AKAP13: variants seen among roughly 807,000 people sequenced by gnomAD.
AKAP13 encodes the protein A-kinase anchoring protein 13, also known as A-kinase anchor protein 13.
AKAP13 carries 80 observed loss-of-function variants against 264.5 expected under a neutral mutation model. The ratio of observed to expected loss-of-function variants is 0.30; its 90% CI spans 0.25 to 0.36. The LOEUF is 0.36. AKAP13 is among the 10% of genes least tolerant of loss of function. AKAP13 has a pLI of 1.00. For missense variants in AKAP13, 3,712 were observed against 3,435.2 expected (o/e 1.08, Z -2.01); for synonymous variants, 1,380 against 1,250.2 (o/e 1.10, Z -2.19).
chr15:85,554,581 T>C (rs1392485919), intron 5 of AKAP13, among the ~76,000 whole-genome samples: 2 of 151,958 alleles, frequency 1.3e-5, no homozygotes, highest in Non-Finnish European at 2.9e-5. Flanking sequence ...CTTCCCTTAC[T>C]TTTTTTTCTT....
At chr15:85,610,474 A>T (rs1051007661) in intron 8 of AKAP13, among the ~76,000 whole-genome samples, 1 of 152,200 alleles carries the variant, frequency 6.6e-6, no homozygotes, top group South Asian at 2.1e-4. Context: ...ATACAAAAGG[A>T]TAGTCGTGAT....
In AKAP13 at chr15:85,579,620, G is replaced by C; in HGVS notation, c.1552G>C (p.Ala518Pro). The C allele has an allele frequency of 6.2e-7, 1 of 1,614,234 alleles. No homozygotes were observed. Among genetic ancestry groups the C allele is most frequent in the East Asian group, 2.2e-5 (1 of 44,890 alleles). The change falls in exon 7 of 37, where the codon GCC (alanine) becomes CCC (proline). Residue 518 changes from alanine (A) to proline (P), a missense_variant. Transcript: ENST00000394518. ...GAACTCTAATATTGGCACAGCTGGAGCCTCTGACGTGCACGTCACAAGTAA... is the reference window on the plus strand; with the variant it reads ...GAACTCTAATATTGGCACAGCTGGACCCTCTGACGTGCACGTCACAAGTAA... ...FENSNIGTAG[A>P]SDVHVTSKPV...
rs371016419 is a variant in AKAP13 at position 85,669,762 on chromosome 15, C to G, written c.5033C>G (p.Thr1678Arg). 3 of 1,613,634 alleles carry G rather than the reference C, an allele frequency of 1.9e-6. No homozygotes were observed. Among genetic ancestry groups the G allele is most frequent in the Non-Finnish European group, 2.5e-6 (3 of 1,179,622 alleles). ...AAGCAGCAGGGATTTAATTACTGTA[C>G]ATCAGCCATTTCCTCTCCATTGACA... ...RSKQQGFNYC[T>R]SAISSPLTKS... The change falls in exon 14 of 37, where the codon ACA becomes AGA. Residue 1678 changes from threonine (T) to arginine (R), a missense_variant. Physicochemically the swap from Thr to Arg is moderately conservative, Grantham distance 71. Coordinates refer to ENST00000394518, the MANE Select transcript of AKAP13 (RefSeq NM_007200.5).
rs571944581 is a variant in AKAP13 at position 85,647,668 on chromosome 15, G to A, written c.4374+1714G>A. Among the ~76,000 whole-genome samples, 8 of 152,082 alleles carry A rather than the reference G, an allele frequency of 5.3e-5. No homozygotes were observed. In the East Asian group the frequency reaches 1.2e-3, roughly 22 times the overall value. On this transcript the variant is annotated intron_variant, in intron 10 of 36. Coordinates refer to ENST00000394518, the MANE Select transcript of AKAP13 (RefSeq NM_007200.5). ...AAGTAAAAACTCCACATTTAGGACC[G>A]GGCGCAATGGCTCACGCCTGTAATC... is the stretch of plus-strand genomic sequence containing the variant.
chr15:85,732,565 C>T (rs11630549), intron 30 of AKAP13, among the ~76,000 whole-genome samples: 28,954 of 150,172 alleles, frequency 0.19, 3,727 homozygotes, highest in Middle Eastern at 0.43. Context: ...CATTGATATT[C>T]TTAAACTGTG....
At chr15:85,555,276 G>T (rs7180143) in intron 5 of AKAP13, 134,276 of 204,286 alleles carry the variant, frequency 0.66, 44,172 homozygotes, top group Middle Eastern at 0.73. Context: ...CATTAAGGTT[G>T]GACACTATTA....
chr15:85,489,600 C>T (rs932905876), intron 2 of AKAP13, among the ~76,000 whole-genome samples: 2 of 152,150 alleles, frequency 1.3e-5, no homozygotes, highest in African/African-American at 4.8e-5. Flanking sequence ...TCATTTAGAT[C>T]ATATTTGGGA....
Position 85,640,020 on chromosome 15 carries a change from C to T in AKAP13, c.4237+571C>T, listed in dbSNP as rs140212475. 5.4e-4 allele frequency among the ~76,000 whole-genome samples: 82 copies of T among 152,292 alleles called. No individual in the cohort carries two copies. The East Asian group carries it at 0.013, about 24-fold the overall frequency. ...TTATTCCTAACAACACTTGAGGGTA[C>T]GATGCTCTTAAGACCTTGCTTGTTA... On this transcript the variant is annotated intron_variant, in intron 9 of 36. Transcript: ENST00000394518.
intron 1 of AKAP13, among the ~76,000 whole-genome samples, chr15:85,435,194 T>C (rs979775700): frequency 6.7e-6 from 1 of 148,732 alleles, no homozygotes; most frequent in African/African-American, 2.5e-5. Flanking sequence ...CAGGAGCCGA[T>C]GCGATCAACT....
At chr15:85,665,441 A>G (rs2083539548) in intron 13 of AKAP13, among the ~76,000 whole-genome samples, 1 of 152,208 alleles carries the variant, frequency 6.6e-6, no homozygotes, top group African/African-American at 2.4e-5. Flanking sequence ...GTAGGAAAAA[A>G]ATTAAAAACA....
chr15:85,737,159 A>T (rs778978195), intron 33 of AKAP13, among the ~76,000 whole-genome samples: 2 of 152,078 alleles, frequency 1.3e-5, no homozygotes, highest in Admixed American at 6.6e-5. Flanking sequence ...ACCTCAGGCA[A>T]TCTGCCCACC....
rs144246285 is a variant in AKAP13, at chr15:85,631,483, T to TTCTC, written c.4162-7874_4162-7871dup. On this transcript the variant is annotated intron_variant, in intron 8 of 36. Transcript: ENST00000394518. ...AAATGCAAAATAACACACACACACT[T>TTCTC]TCTCTCTCTCTCTCTCTCTCACACA... 6.9e-3 allele frequency among the ~76,000 whole-genome samples: 826 copies of TTCTC among 120,118 alleles called. 11 individuals are homozygous for TTCTC. The highest frequency in any genetic ancestry group is 0.023 in the Middle Eastern group (6 of 256). The allele number at this position is 120,118 out of a possible 152,430, so 78.8% of individuals were successfully genotyped here.
chr15:85,740,970 G>C, intron 34 of AKAP13, 76 bp from the exon 35 acceptor site: 4 of 1,522,102 alleles, frequency 2.6e-6, no homozygotes, highest in Non-Finnish European at 3.5e-6. Flanking sequence ...GCCCCCTGCT[G>C]TGGGGTCGGG....
At chr15:85,693,224 A>T in intron 16 of AKAP13, 53 bp from the exon 17 acceptor site, 1 of 1,495,742 alleles carries the variant, frequency 6.7e-7, no homozygotes, top group Non-Finnish European at 8.8e-7. Flanking sequence ...CCAGGTAAGG[A>T]GAAAGCCCTC....
intron 2 of AKAP13, among the ~76,000 whole-genome samples, chr15:85,508,024 C>T (rs1452194495): frequency 6.6e-6 from 1 of 152,168 alleles, no homozygotes; most frequent in Non-Finnish European, 1.5e-5. Context: ...TTGCTTTGTC[C>T]ATTTGATGCC....
At chr15:85,630,409 A>G (rs1258254272) in intron 8 of AKAP13, among the ~76,000 whole-genome samples, 1 of 152,026 alleles carries the variant, frequency 6.6e-6, no homozygotes, top group South Asian at 2.1e-4. Flanking sequence ...TCCCATCTCT[A>G]TTAATTACAG....
intron 8 of AKAP13, among the ~76,000 whole-genome samples, chr15:85,615,991 A>C (rs1377248536): frequency 6.6e-6 from 1 of 152,224 alleles, no homozygotes; most frequent in Non-Finnish European, 1.5e-5. Context: ...ATTTTCACTT[A>C]GTACCTTGTG....
chr15:85,573,299 T>C (rs1043851479), intron 5 of AKAP13, among the ~76,000 whole-genome samples: 1 of 152,082 alleles, frequency 6.6e-6, no homozygotes, highest in African/African-American at 2.4e-5. Flanking sequence ...GTGATATAGG[T>C]TGGGAGGCCA....
intron 30 of AKAP13, among the ~76,000 whole-genome samples, chr15:85,734,473 A>G (rs542242071): frequency 1.2e-4 from 18 of 148,578 alleles, no homozygotes; most frequent in Non-Finnish European, 2.5e-4. Flanking sequence ...TTATCTTTTT[A>G]TTTTTCTCCT....
Sources: allele counts gnomAD v4.1 joint callset (sites outside exome capture counted in the v4.1 genomes callset), GRCh38; gene constraint gnomAD v4.1.1; transcripts MANE v1.5; gene names NCBI Gene and HGNC (gene_info 2026-07-23, HGNC 2026-07-21).